BRINP3: variants seen among roughly 807,000 people sequenced by gnomAD.
BRINP3 encodes BMP/retinoic acid inducible neural specific 3.
Under a neutral mutation model 71.0 loss-of-function variants are expected in BRINP3, and 19 were observed. The observed-to-expected ratio is 0.27, with a 90% confidence interval of 0.19 to 0.39. The LOEUF is 0.39. BRINP3 is among the 10% of genes least tolerant of loss of function. The pLI, the probability that BRINP3 is intolerant of heterozygous loss-of-function variation, is 1.00. For synonymous variants in BRINP3, 380 were observed against 337.7 expected (o/e 1.13, Z -1.37); for missense variants, 959 against 940.8 (o/e 1.02, Z -0.25).
Position 190,173,681 on chromosome 1 carries a change from T to G in BRINP3, c.962-12791A>C, listed in dbSNP as rs190598074. On this transcript the variant is annotated intron_variant, in intron 6 of 7. Transcript: ENST00000367462. ...AGAGCTTTTGTTTGTGAAGATATTTTGTAAGCATGTATGATATTAAATACG... is the reference window on the plus strand; with the variant it reads ...AGAGCTTTTGTTTGTGAAGATATTTGGTAAGCATGTATGATATTAAATACG... Among the ~76,000 whole-genome samples the G allele has an allele frequency of 5.3e-5, 8 of 152,334 alleles. No individual in the cohort carries two copies. In the East Asian group the frequency reaches 1.5e-3, roughly 29 times the overall value.
chr1:190,154,105 C>A, intron 7 of BRINP3: 1 of 947,400 alleles, frequency 1.1e-6, no homozygotes, highest in Non-Finnish European at 1.3e-6. Context: ...ACATTTTCAT[C>A]TTAGCTAGGG....
intron 7 of BRINP3, among the ~76,000 whole-genome samples, chr1:190,113,819 C>G (rs1652893821): frequency 6.6e-6 from 1 of 152,082 alleles, no homozygotes; most frequent in East Asian, 1.9e-4. Flanking sequence ...GGTTTGGGGA[C>G]TCCAAAGCTG....
At chr1:190,222,673 A>G (rs1052656098) in intron 6 of BRINP3, among the ~76,000 whole-genome samples, 1 of 151,922 alleles carries the variant, frequency 6.6e-6, no homozygotes, top group African/African-American at 2.4e-5. Flanking sequence ...AGGCAAATAA[A>G]TAAAATAAGA....
At chr1:190,134,346 C>T (rs1413482662) in intron 7 of BRINP3, among the ~76,000 whole-genome samples, 1 of 151,964 alleles carries the variant, frequency 6.6e-6, no homozygotes, top group African/African-American at 2.4e-5. Flanking sequence ...GCTGTAACAT[C>T]ATGAGTTCAT....
intron 3 of BRINP3, among the ~76,000 whole-genome samples, chr1:190,273,664 AT>A (rs1315715041): frequency 6.6e-6 from 1 of 151,500 alleles, no homozygotes; most frequent in Admixed American, 6.6e-5. Flanking sequence ...AAAATTATGT[AT>A]TTTTCCATTC....
intron 2 of BRINP3, among the ~76,000 whole-genome samples, chr1:190,445,237 C>A (rs554835885): frequency 2.3e-4 from 35 of 152,040 alleles, no homozygotes; most frequent in East Asian, 1.4e-3. Context: ...AAATTAAAAT[C>A]TATTATAAAC....
At chr1:190,272,713 G>C (rs1489797844) in intron 3 of BRINP3, among the ~76,000 whole-genome samples, 1 of 151,154 alleles carries the variant, frequency 6.6e-6, no homozygotes, top group Non-Finnish European at 1.5e-5. Context: ...AATAGTAGTG[G>C]GTTATCATTT....
chr1:190,283,513 A>G (rs1456393485), intron 2 of BRINP3, among the ~76,000 whole-genome samples: 1 of 151,754 alleles, frequency 6.6e-6, no homozygotes, highest in African/African-American at 2.4e-5. Flanking sequence ...CTCAAAATAG[A>G]GTAAGAATGT....
intron 6 of BRINP3, among the ~76,000 whole-genome samples, chr1:190,205,924 T>C (rs898600113): frequency 1.3e-5 from 2 of 151,804 alleles, no homozygotes; most frequent in Non-Finnish European, 2.9e-5. Context: ...GAGAGTTTAT[T>C]TTTTTTTCCC....
Position 190,246,001 on chromosome 1 carries a change from C to A in BRINP3, c.619-11524G>T, listed in dbSNP as rs66572578. Among the ~76,000 whole-genome samples the A allele has an allele frequency of 2.0e-3, 297 of 151,982 alleles. 8 individuals carry two copies. In the East Asian group the frequency reaches 0.045, roughly 23 times the overall value. On this transcript the variant is annotated intron_variant, in intron 4 of 7. Transcript: ENST00000367462. The stretch of plus-strand genomic sequence containing the variant: ...GCCACATTTTCTTAATCCAGTTTAT[C>A]ATTGTTCGACATTTAGGTTGGTTCC...
intron 7 of BRINP3, among the ~76,000 whole-genome samples, chr1:190,133,299 A>G (rs1654694970): frequency 6.6e-6 from 1 of 152,156 alleles, no homozygotes; most frequent in Admixed American, 6.6e-5. Flanking sequence ...AAAATAGTTT[A>G]TTATGTGGTT....
At chr1:190,217,354 A>G (rs1471853507) in intron 6 of BRINP3, among the ~76,000 whole-genome samples, 1 of 151,894 alleles carries the variant, frequency 6.6e-6, no homozygotes, top group Non-Finnish European at 1.5e-5. Flanking sequence ...GAGGCAAAAA[A>G]AAAATGTTTC....
intron 1 of BRINP3, among the ~76,000 whole-genome samples, chr1:190,468,795 A>T (rs1676938364): frequency 6.6e-6 from 1 of 151,112 alleles, no homozygotes; most frequent in Non-Finnish European, 1.5e-5. Context: ...TTAGTTGCAT[A>T]AAACAATTAA....
At position 190,097,982 on chromosome 1, in the gene BRINP3, T is replaced by G. The variant is rs1387287738; in HGVS notation, c.*36A>C. 6.4e-6 allele frequency: 10 copies of G among 1,558,146 alleles called. No individual in the cohort carries two copies. Among genetic ancestry groups the G allele is most frequent in the Non-Finnish European group, 7.8e-6 (9 of 1,155,176 alleles). On this transcript the variant is annotated 3_prime_UTR_variant, in exon 8 of 8. Transcript: ENST00000367462. ...TGTTCCACAAAAGCACTGTAAAAACTCCTTCAAGATTTTGGGTTGTGCTTG... is the reference window on the plus strand; with the variant it reads ...TGTTCCACAAAAGCACTGTAAAAACGCCTTCAAGATTTTGGGTTGTGCTTG...
At chr1:190,133,778 C>A (rs898959442) in intron 7 of BRINP3, among the ~76,000 whole-genome samples, 7 of 151,940 alleles carry the variant, frequency 4.6e-5, no homozygotes, top group African/African-American at 1.4e-4. Flanking sequence ...GTGGGTATGT[C>A]TTTTGGGGAA....
At chr1:190,100,533 T>C (rs1256567975) in intron 7 of BRINP3, among the ~76,000 whole-genome samples, 3 of 152,170 alleles carry the variant, frequency 2.0e-5, no homozygotes, top group Non-Finnish European at 4.4e-5. Flanking sequence ...AAAGGAACAT[T>C]TTCTTAAGAA....
intron 2 of BRINP3, among the ~76,000 whole-genome samples, chr1:190,353,069 T>C (rs1185951944): frequency 1.3e-5 from 2 of 151,962 alleles, no homozygotes; most frequent in African/African-American, 2.4e-5. Flanking sequence ...AAATCTTCAT[T>C]TATTAAGCAT....
At chr1:190,357,036 T>C (rs1032820986) in intron 2 of BRINP3, among the ~76,000 whole-genome samples, 1 of 151,924 alleles carries the variant, frequency 6.6e-6, no homozygotes, top group Non-Finnish European at 1.5e-5. Context: ...GGGATGATGA[T>C]TACCACTTGG....
chr1:190,189,855 G>T (rs148543883), intron 6 of BRINP3, among the ~76,000 whole-genome samples: 2 of 152,156 alleles, frequency 1.3e-5, no homozygotes, highest in South Asian at 4.1e-4. Flanking sequence ...GTTATTGTAA[G>T]ATACAGGTAC....
Sources: gnomAD v4.1 joint callset for allele counts (sites outside exome capture counted in the v4.1 genomes callset) on GRCh38, gnomAD v4.1.1 for gene constraint, MANE v1.5 for transcripts, NCBI Gene and HGNC (gene_info 2026-07-23, HGNC 2026-07-21) for gene names.